RGS7: variants seen among roughly 807,000 people sequenced by gnomAD.
RGS7 encodes regulator of G-protein signaling 7.
Under a neutral mutation model 81.1 loss-of-function variants are expected in RGS7, and 27 were observed. The ratio of observed to expected loss-of-function variants is 0.33; its 90% confidence interval spans 0.25 to 0.46. The LOEUF (loss-of-function observed/expected upper bound fraction) is 0.46, where lower values mean the gene tolerates loss of function less well. Ranked by LOEUF, RGS7 falls within the 20% of genes least tolerant of loss-of-function variation. The pLI, the probability that RGS7 is intolerant of heterozygous loss-of-function variation, is 1.00. For synonymous variants in RGS7, 208 were observed against 207.7 expected, an observed-to-expected ratio of 1.00 and a Z score of -0.01; for missense variants, 396 against 607.4, an observed-to-expected ratio of 0.65 and a Z score of 3.66.
At chr1:240,998,935 T>C in intron 3 of RGS7, 1 of 352,734 alleles carries the variant, frequency 2.8e-6, no homozygotes, top group Non-Finnish European at 5.5e-6. Context: ...GGCACCAATG[T>C]TAGATCTTTT....
intron 2 of RGS7, among the ~76,000 whole-genome samples, chr1:241,106,716 C>CAAAAA (rs757488665): frequency 2.9e-5 from 1 of 34,076 alleles, no homozygotes; most frequent in African/African-American, 7.9e-5. Context: ...ACTCCGTCTC[C>CAAAAA]AAAAAAAAAA....
intron 4 of RGS7, among the ~76,000 whole-genome samples, chr1:240,981,135 A>G (rs1427923708): frequency 6.6e-6 from 1 of 151,980 alleles, no homozygotes; most frequent in Non-Finnish European, 1.5e-5. Context: ...TTCGAGACAG[A>G]GTCACGCTCT....
At chr1:241,206,013 C>A (rs1430728192) in intron 2 of RGS7, among the ~76,000 whole-genome samples, 1 of 149,770 alleles carries the variant, frequency 6.7e-6, no homozygotes, top group East Asian at 2.0e-4. Context: ...TTTTTTTTTA[C>A]ATTTATGCCC....
At chr1:240,794,129 T>C (rs1353726671) in intron 18 of RGS7, among the ~76,000 whole-genome samples, 1 of 152,086 alleles carries the variant, frequency 6.6e-6, no homozygotes, top group East Asian at 1.9e-4. Flanking sequence ...ATCTGCCTCA[T>C]TATGATGGGT....
At chr1:240,985,714 C>T (rs1348463151) in intron 3 of RGS7, among the ~76,000 whole-genome samples, 2 of 152,024 alleles carry the variant, frequency 1.3e-5, no homozygotes, top group Non-Finnish European at 2.9e-5. Flanking sequence ...CTTACCCAGA[C>T]TCACCATGTT....
chr1:240,944,280 GTGTATATATATATA>G (rs1678173474), intron 4 of RGS7, among the ~76,000 whole-genome samples: 2 of 21,184 alleles, frequency 9.4e-5, no homozygotes, highest in African/African-American at 3.1e-4. Context: ...GTGTGTGTGT[GTGTATATATATATA>G]TATATATATA....
In RGS7 at chr1:241,075,598, GA is replaced by G. The variant is rs11330128; in HGVS notation, c.175+23067del. Among the ~76,000 whole-genome samples, 1,179 of 150,808 alleles carry G rather than the reference GA, an allele frequency of 7.8e-3. 13 individuals carry two copies. The highest frequency in any genetic ancestry group is 0.027 in the African/African-American group (1,106 of 41,152). ...CACTAACACTAACGATACCTGATAA[GA>G]AAAAAAAATGCAAAAACGTCTCATC... On this transcript the variant is annotated intron_variant, in intron 3 of 18. Transcript: ENST00000440928.
chr1:240,911,024 A>T (rs1671667378), intron 6 of RGS7, among the ~76,000 whole-genome samples: 1 of 152,298 alleles, frequency 6.6e-6, no homozygotes, highest in Admixed American at 6.5e-5. Flanking sequence ...AATTTTTTTT[A>T]AAGAATTCTC....
At chr1:241,193,812 C>T (rs1194367837) in intron 2 of RGS7, among the ~76,000 whole-genome samples, 1 of 152,142 alleles carries the variant, frequency 6.6e-6, no homozygotes, top group Non-Finnish European at 1.5e-5. Flanking sequence ...ATTCCCTCTG[C>T]CACAAAATAA....
chr1:241,293,065 A>C (rs1319343606), intron 2 of RGS7, among the ~76,000 whole-genome samples: 1 of 152,226 alleles, frequency 6.6e-6, no homozygotes, highest in Admixed American at 6.5e-5. Flanking sequence ...GGTACATATA[A>C]AGTCATCAAT....
rs2077870717 is a variant in RGS7, at chr1:241,271,068, C to CT, written c.78+84630dup. 6.6e-6 allele frequency among the ~76,000 whole-genome samples: 1 copy of CT among 152,214 alleles called. No individual in the cohort carries two copies. Among genetic ancestry groups the CT allele is most frequent in the Admixed American group, 6.5e-5 (1 of 15,280 alleles). Reference sequence around the variant, plus strand: ...CCTTTTAATTTCTGCACGGGCCCTACTTTAAGTATCGCTGCAGTGGCGAAA... The same window carrying CT: ...CCTTTTAATTTCTGCACGGGCCCTACTTTTAAGTATCGCTGCAGTGGCGAAA... On this transcript the variant is annotated intron_variant, in intron 2 of 18. Coordinates refer to ENST00000440928, the MANE Select transcript of RGS7 (RefSeq NM_001364886.1). The surrounding 1 kb of genome is among the most constrained non-coding windows in gnomAD (Gnocchi z 4.6).
Position 241,278,722 on chromosome 1 carries a change from C to T in RGS7, c.78+76977G>A, listed in dbSNP as rs997387512. ...TTTGCCCCTCCTGTTGCGCCGCTAGCATTGAAGATCTACGTTCTGTTGGCT... is the reference window on the plus strand; with the variant it reads ...TTTGCCCCTCCTGTTGCGCCGCTAGTATTGAAGATCTACGTTCTGTTGGCT... On this transcript the variant is annotated intron_variant, in intron 2 of 18. Transcript: ENST00000440928. Among the ~76,000 whole-genome samples the T allele has an allele frequency of 1.2e-4, 19 of 152,294 alleles. 1 individual carries two copies. Among genetic ancestry groups the T allele is most frequent in the African/African-American group, 3.6e-4 (15 of 41,568 alleles).
At chr1:240,997,222 C>T (rs2148614081) in intron 3 of RGS7, among the ~76,000 whole-genome samples, 1 of 152,130 alleles carries the variant, frequency 6.6e-6, no homozygotes, top group Admixed American at 6.5e-5. Context: ...AGTAATTTTC[C>T]TATTTCAGCC....
intron 2 of RGS7, among the ~76,000 whole-genome samples, chr1:241,234,767 T>C (rs748012136): frequency 1.3e-5 from 2 of 152,134 alleles, no homozygotes; most frequent in Non-Finnish European, 2.9e-5. Context: ...CCACATCCTA[T>C]TGCATCTTCA....
rs549410863 is a variant in RGS7 at position 240,814,301 on chromosome 1, A to G, written c.845+415T>C. ...AGCAAAGGAAAATATCTGAAATTTG[A>G]GTTTCATTCATATTCTGAAGTCAGG... On this transcript the variant is annotated intron_variant, in intron 12 of 18. Transcript: ENST00000440928. Among the ~76,000 whole-genome samples, 3 of 152,342 alleles carry G rather than the reference A, an allele frequency of 2.0e-5. No individual in the cohort carries two copies. In the East Asian group the frequency reaches 5.8e-4, roughly 29 times the overall value.
At chr1:241,047,061 A>T (rs781509778) in intron 3 of RGS7, among the ~76,000 whole-genome samples, 13 of 152,122 alleles carry the variant, frequency 8.5e-5, no homozygotes, top group Non-Finnish European at 1.6e-4. Context: ...GATCTATCTA[A>T]TTGCAGGGGG....
intron 4 of RGS7, among the ~76,000 whole-genome samples, chr1:240,960,733 A>G (rs569892117): frequency 3.9e-5 from 6 of 152,214 alleles, no homozygotes; most frequent in African/African-American, 1.4e-4. Flanking sequence ...GCAATGTTGC[A>G]TTTCCTCACA....
chr1:240,973,859 C>A (rs1044987261), intron 4 of RGS7, among the ~76,000 whole-genome samples: 1 of 152,122 alleles, frequency 6.6e-6, no homozygotes, highest in Non-Finnish European at 1.5e-5. Flanking sequence ...GGATTACAGG[C>A]GTGAGCCACT....
chr1:240,875,731 A>G (rs529893058), intron 6 of RGS7, among the ~76,000 whole-genome samples: 112 of 152,340 alleles, frequency 7.4e-4, no homozygotes, highest in African/African-American at 2.6e-3. Context: ...AGCCATTCTT[A>G]CAAGTGTGAG....
Sources: gnomAD v4.1 joint callset for allele counts (sites outside exome capture counted in the v4.1 genomes callset) on GRCh38, gnomAD v4.1.1 for gene constraint, Gnocchi (gnomAD v3.1) non-coding constraint, MANE v1.5 for transcripts, NCBI Gene and HGNC (gene_info 2026-07-23, HGNC 2026-07-21) for gene names.